CSMD2: variants seen among roughly 807,000 people sequenced by gnomAD.
CSMD2 encodes CUB and Sushi multiple domains 2, also known as CUB and sushi domain-containing protein 2.
Under a neutral mutation model 398.5 loss-of-function variants are expected in CSMD2, and 130 were observed. The ratio of observed to expected loss-of-function variants is 0.33; its 90% CI spans 0.28 to 0.38. The LOEUF (loss-of-function observed/expected upper bound fraction) is 0.38. Ranked by LOEUF, CSMD2 falls within the 10% of genes least tolerant of loss-of-function variation. The pLI, the probability that CSMD2 is intolerant of heterozygous loss-of-function variation, is 1.00. For synonymous variants in CSMD2, 1,828 were observed against 1,908.5 expected, an observed-to-expected ratio of 0.96 and a Z score of 1.10; for missense variants, 3,829 against 4,764.9, an observed-to-expected ratio of 0.80 and a Z score of 5.78.
chr1:33,696,656 T>A (rs1228756157), intron 24 of CSMD2, among the ~76,000 whole-genome samples: 2 of 152,126 alleles, frequency 1.3e-5, no homozygotes, highest in Non-Finnish European at 2.9e-5. Context: ...GACCTCCTGC[T>A]TCCTGGGAAG....
chr1:33,559,667 G>A lies in CSMD2; in HGVS notation c.8381-194C>T, dbSNP rs2148658411. Among the ~76,000 whole-genome samples, 1 of 152,190 alleles carries A rather than the reference G, an allele frequency of 6.6e-6. No homozygotes were observed. ...TTCTGTCTGCCTTGAAGATATGTCT[G>A]TAGCTTGGACAACTTGAGATCAATC... is the stretch of plus-strand genomic sequence containing the variant. On this transcript the variant is annotated intron_variant, in intron 53 of 70. Coordinates refer to ENST00000373381, the MANE Select transcript of CSMD2 (RefSeq NM_001281956.2). The surrounding 1 kb of genome is among the most constrained non-coding windows in gnomAD (Gnocchi z 4.0).
chr1:33,890,747 C>T (rs1011629638), intron 5 of CSMD2, among the ~76,000 whole-genome samples: 28 of 151,600 alleles, frequency 1.8e-4, no homozygotes, highest in Non-Finnish European at 2.8e-4. Flanking sequence ...CGCTGCATAT[C>T]TACAACTATC....
At chr1:33,814,145 G>A (rs957235090) in intron 9 of CSMD2, 1 of 152,064 alleles carries the variant, frequency 6.6e-6, no homozygotes, top group African/African-American at 2.4e-5. Flanking sequence ...ATGCAAATTT[G>A]ATCACATGGG....
At chr1:34,055,294 A>G (rs1400650142) in intron 2 of CSMD2, among the ~76,000 whole-genome samples, 2 of 152,258 alleles carry the variant, frequency 1.3e-5, no homozygotes, top group Non-Finnish European at 2.9e-5. Flanking sequence ...GGGGTTCCCC[A>G]CAAACCAAAC....
chr1:33,991,188 G>A (rs1364010478), intron 3 of CSMD2, among the ~76,000 whole-genome samples: 3 of 151,876 alleles, frequency 2.0e-5, no homozygotes, highest in Non-Finnish European at 4.4e-5. Flanking sequence ...TTCATTTTTT[G>A]TAGAGACAGG....
intron 12 of CSMD2, among the ~76,000 whole-genome samples, chr1:33,774,109 G>T (rs1388672245): frequency 2.9e-5 from 1 of 34,246 alleles, no homozygotes; most frequent in Non-Finnish European, 5.6e-5. Flanking sequence ...GGCTGGGATT[G>T]TGTGTGTGTG....
At chr1:33,820,269 C>T (rs1354887700) in intron 8 of CSMD2, among the ~76,000 whole-genome samples, 200 bp downstream of exon 8, 4 of 152,104 alleles carry the variant, frequency 2.6e-5, no homozygotes, top group African/African-American at 9.7e-5. Context: ...CAGTTCTCTC[C>T]CCCCACTAAA....
At chr1:33,855,967 T>C (rs1030692282) in intron 5 of CSMD2, among the ~76,000 whole-genome samples, 3 of 152,184 alleles carry the variant, frequency 2.0e-5, no homozygotes, top group Non-Finnish European at 4.4e-5. Context: ...AACCAGACAG[T>C]GCTATATTTG....
intron 3 of CSMD2, among the ~76,000 whole-genome samples, chr1:34,002,668 C>T (rs1646937605): frequency 6.6e-6 from 1 of 152,218 alleles, no homozygotes; most frequent in African/African-American, 2.4e-5. Context: ...TAAATTTTCC[C>T]ATGTTCTTTG....
At chr1:33,920,258 G>A (rs1643890166) in intron 4 of CSMD2, among the ~76,000 whole-genome samples, 1 of 152,044 alleles carries the variant, frequency 6.6e-6, no homozygotes. Context: ...ACTGGGCGCA[G>A]TGGCTCATGC....
At chr1:33,798,860 C>T (rs1655265033) in intron 10 of CSMD2, among the ~76,000 whole-genome samples, 1 of 152,186 alleles carries the variant, frequency 6.6e-6, no homozygotes, top group African/African-American at 2.4e-5. Flanking sequence ...CCAGGATTAG[C>T]CAAAAGACAG....
intron 20 of CSMD2, among the ~76,000 whole-genome samples, chr1:33,715,464 G>A (rs767592151): frequency 2.0e-5 from 3 of 152,064 alleles, no homozygotes; most frequent in Non-Finnish European, 2.9e-5. Context: ...TCAGGATGCA[G>A]TCCTCCAGGG....
intron 2 of CSMD2, among the ~76,000 whole-genome samples, chr1:34,034,332 A>G (rs1463332348): frequency 6.6e-6 from 1 of 152,056 alleles, no homozygotes; most frequent in African/African-American, 2.4e-5. Context: ...GATTCAGGGT[A>G]TGGGGAAGAG....
chr1:33,692,740 T>A (rs541286707), intron 25 of CSMD2, among the ~76,000 whole-genome samples, 190 bp downstream of exon 25: 133 of 152,328 alleles, frequency 8.7e-4, no homozygotes, highest in African/African-American at 2.9e-3. Context: ...GGACTTGGCA[T>A]GAAGCCCTGA....
chr1:33,690,936 T>C (rs1359750749), intron 25 of CSMD2, among the ~76,000 whole-genome samples: 1 of 152,086 alleles, frequency 6.6e-6, no homozygotes, highest in East Asian at 1.9e-4. Context: ...CAACAGGTAA[T>C]GGAAGTTCAA....
At chr1:33,909,111 T>C (rs1164720147) in intron 5 of CSMD2, among the ~76,000 whole-genome samples, 1 of 152,186 alleles carries the variant, frequency 6.6e-6, no homozygotes, top group Non-Finnish European at 1.5e-5. Context: ...TCATGCACCA[T>C]CTGAGCTGTT....
intron 8 of CSMD2, 37 bp downstream of exon 8, chr1:33,820,432 C>A (rs1170795930): frequency 4.9e-6 from 7 of 1,440,360 alleles, no homozygotes; most frequent in Middle Eastern, 1.7e-4. Flanking sequence ...GCCACCCCAC[C>A]CTTCTTGCAA....
rs1049162205 is a variant in CSMD2 at position 33,521,508 on chromosome 1, A to T, written c.10552T>A (p.Ser3518Thr). ...SSGATFIYQG[S>T]VKGQGFGQFG... ...TGCCCAAAGCCTTGGCCCTTGACAG[A>T]GCCTTGGTAGATGAAGGTGGCTCCG... The change falls in exon 68 of 71, where the codon TCT (serine) becomes ACT (threonine). Residue 3518 changes from serine to threonine, a missense_variant. Physicochemically the swap from Ser to Thr is moderately conservative, Grantham distance 58. Transcript: ENST00000373381. 6.8e-6 allele frequency: 11 copies of T among 1,613,574 alleles called. No homozygotes were observed. Among genetic ancestry groups the T allele is most frequent in the Non-Finnish European group, 9.3e-6 (11 of 1,179,672 alleles).
intron 2 of CSMD2, among the ~76,000 whole-genome samples, chr1:34,065,690 A>G (rs947017768): frequency 1.3e-5 from 2 of 152,202 alleles, no homozygotes; most frequent in African/African-American, 4.8e-5. Context: ...TAATTCATGG[A>G]AAGCCTTTAG....
Sources: gnomAD v4.1 joint callset for allele counts (sites outside exome capture counted in the v4.1 genomes callset) on GRCh38, gnomAD v4.1.1 for gene constraint, Gnocchi (gnomAD v3.1) non-coding constraint, MANE v1.5 for transcripts, NCBI Gene and HGNC (gene_info 2026-07-23, HGNC 2026-07-21) for gene names.